Variants in SLC5A5 observed in about 807,000 individuals in gnomAD.
The protein encoded by SLC5A5 is solute carrier family 5 member 5.
In SLC5A5, 56 loss-of-function variants were observed where a neutral mutation model predicts 68.6. The observed-to-expected ratio is 0.82, with a 90% CI of 0.66 to 1.02. The LOEUF (loss-of-function observed/expected upper bound fraction) is 1.02. SLC5A5 is among the 50% of genes least tolerant of loss of function. The pLI is 0.00. For synonymous variants in SLC5A5, 398 were observed against 373.0 expected, an observed-to-expected ratio of 1.07 and a Z score of -0.77; for missense variants, 807 against 859.8, an observed-to-expected ratio of 0.94 and a Z score of 0.77.
Position 17,877,944 on chromosome 19 carries a change from G to C in SLC5A5, c.840-20G>C. ...CAGCCTGAGGCTATCCCCTAAGCCT[G>C]AGGCTGCCTCTTCCCCCAGGGCCCT... is the stretch of plus-strand genomic sequence containing the variant. On this transcript the variant is annotated intron_variant, in intron 6 of 14. Coordinates refer to ENST00000222248, the MANE Select transcript of SLC5A5 (RefSeq NM_000453.3). The C allele has an allele frequency of 6.2e-7, 1 of 1,613,670 alleles. No individual in the cohort carries two copies. The highest frequency in any genetic ancestry group is 8.5e-7 in the Non-Finnish European group (1 of 1,180,034).
chr19:17,882,137 C>G lies in SLC5A5; in HGVS notation c.1172-12C>G. The G allele has an allele frequency of 6.2e-7, 1 of 1,613,968 alleles. No individual in the cohort carries two copies. Among genetic ancestry groups the G allele is most frequent in the Non-Finnish European group, 8.5e-7 (1 of 1,179,844 alleles). On this transcript the variant is annotated splice_polypyrimidine_tract_variant and intron_variant, in intron 9 of 14. Transcript: ENST00000222248. ...CCCTCCCCGTTGACCGTGCCATCCT[C>G]ATCCACTACAGCACTCATCTACGGA... is the stretch of plus-strand genomic sequence containing the variant.
In SLC5A5 at chr19:17,882,129, G is replaced by A; in HGVS notation, c.1172-20G>A. The A allele has an allele frequency of 1.2e-6, 2 of 1,613,770 alleles. No individual in the cohort carries two copies. Among genetic ancestry groups the A allele is most frequent in the East Asian group, 2.2e-5 (1 of 44,872 alleles). On this transcript the variant is annotated intron_variant, in intron 9 of 14. Coordinates refer to ENST00000222248, the MANE Select transcript of SLC5A5 (RefSeq NM_000453.3). ...AGGGCAGTCCCTCCCCGTTGACCGT[G>A]CCATCCTCATCCACTACAGCACTCA...
Position 17,890,950 on chromosome 19 carries a change from A to C in SLC5A5, c.1716A>C (p.Ala572=). 1 of 1,614,128 alleles carries C rather than the reference A, an allele frequency of 6.2e-7. No homozygotes were observed. The highest frequency in any genetic ancestry group is 8.5e-7 in the Non-Finnish European group (1 of 1,179,998). The change falls in exon 14 of 15, where the codon GCA becomes GCC. Residue 572 remains alanine, a synonymous_variant. Coordinates refer to ENST00000222248, the MANE Select transcript of SLC5A5 (RefSeq NM_000453.3). The part of the protein sequence containing the change: ...LLWWDLARQT[A]SVAPKEEVAI... ...GGTGGGACCTCGCACGGCAGACAGC[A>C]TCAGTGGCCCCCAAGGAAGAAGTGG...
chr19:17,875,587 A>ACCCCCCCC (rs59128676), intron 4 of SLC5A5, among the ~76,000 whole-genome samples: 2 of 145,010 alleles, frequency 1.4e-5, no homozygotes, highest in East Asian at 2.2e-4. Flanking sequence ...ACATAGTGAG[A>ACCCCCCCC]CCCCCCCCCG....
chr19:17,873,628 C>A (rs923288612), intron 1 of SLC5A5, among the ~76,000 whole-genome samples: 6 of 152,000 alleles, frequency 3.9e-5, no homozygotes, highest in Non-Finnish European at 4.4e-5. Context: ...TGGTCGCGCG[C>A]GCCTGTAATC....
intron 12 of SLC5A5, among the ~76,000 whole-genome samples, chr19:17,887,035 C>G (rs2029946944): frequency 1.3e-5 from 2 of 152,074 alleles, no homozygotes; most frequent in Non-Finnish European, 2.9e-5. Context: ...ATGATCCCAC[C>G]ACTGCACTCC....
chr19:17,888,206 G>A, intron 12 of SLC5A5, 125 bp from the exon 13 acceptor site: 1 of 1,165,220 alleles, frequency 8.6e-7, no homozygotes, highest in Non-Finnish European at 1.3e-6. Context: ...TGGGCAGACA[G>A]TAATGGAGGT....
At chr19:17,872,973 G>GC (rs1021877212) in intron 1 of SLC5A5, among the ~76,000 whole-genome samples, 2 of 152,172 alleles carry the variant, frequency 1.3e-5, no homozygotes, top group Admixed American at 6.5e-5. Context: ...ACACACACCT[G>GC]CCCCCCACCT....
At chr19:17,874,406 AT>A in intron 2 of SLC5A5, 87 bp from the exon 3 acceptor site, 3 of 1,340,426 alleles carry the variant, frequency 2.2e-6, no homozygotes, top group African/African-American at 1.5e-5. Context: ...CCCCGCCCAT[AT>A]TCTGGGACCA....
intron 4 of SLC5A5, among the ~76,000 whole-genome samples, chr19:17,875,236 G>A (rs1472717724): frequency 6.6e-6 from 1 of 152,062 alleles, no homozygotes; most frequent in African/African-American, 2.4e-5. Flanking sequence ...TGGGCGCAGT[G>A]GCACGCGCCT....
At chr19:17,877,118 C>G (rs1299890197) in intron 5 of SLC5A5, among the ~76,000 whole-genome samples, 1 of 151,830 alleles carries the variant, frequency 6.6e-6, no homozygotes, top group Non-Finnish European at 1.5e-5. Flanking sequence ...CCAGGAGGCC[C>G]TCGCTGCTCT....
Position 17,880,876 on chromosome 19 carries a change from G to A in SLC5A5, c.981G>A (p.Leu327=). 1.2e-5 allele frequency: 19 copies of A among 1,613,622 alleles called. No individual in the cohort carries two copies. Among genetic ancestry groups the A allele is most frequent in the Non-Finnish European group, 1.6e-5 (19 of 1,179,862 alleles). The part of the protein sequence containing the change: ...RISAPDQYMP[L]LVLDIFEDLP... The stretch of plus-strand genomic sequence containing the variant: ...CCAGTTCTCCCCAGTACATGCCTCT[G>A]CTGGTGCTGGACATCTTCGAAGATC... The change falls in exon 8 of 15, where the codon CTG becomes CTA. Residue 327 remains leucine (L), a synonymous_variant. Transcript: ENST00000222248.
chr19:17,876,899 G>A (rs1310565025), intron 5 of SLC5A5, among the ~76,000 whole-genome samples: 7 of 150,832 alleles, frequency 4.6e-5, no homozygotes, highest in African/African-American at 1.2e-4. Context: ...GCGTGGTGGC[G>A]CATGCCTGTA....
Position 17,888,385 on chromosome 19 carries a change from C to G in SLC5A5, c.1581C>G (p.Ser527=), listed in dbSNP as rs765042192. The G allele has an allele frequency of 5.0e-6, 8 of 1,613,918 alleles. No homozygotes were observed. The highest frequency in any genetic ancestry group is 1.6e-4 in the Middle Eastern group (1 of 6,084). ...PALADSFYAI[S]YLYYGALGTL... Reference sequence around the variant, plus strand: ...TAGCTGACAGCTTCTATGCCATCTCCTATCTCTATTACGGTGCCCTGGGCA... The same window carrying G: ...TAGCTGACAGCTTCTATGCCATCTCGTATCTCTATTACGGTGCCCTGGGCA... Residue 527 remains serine (S), a synonymous_variant, in exon 13 of 15, where the codon TCC becomes TCG. Coordinates refer to ENST00000222248, the MANE Select transcript of SLC5A5 (RefSeq NM_000453.3).
rs2030006642 is a variant in SLC5A5 at position 17,888,366 on chromosome 19, A to G, written c.1562A>G (p.Asp521Gly). 2.5e-6 allele frequency: 4 copies of G among 1,613,840 alleles called. No individual in the cohort carries two copies. The highest frequency in any genetic ancestry group is 3.4e-6 in the Non-Finnish European group (4 of 1,180,002). Residue 521 changes from aspartate (D) to glycine (G), a missense_variant, in exon 13 of 15, where the codon GAC becomes GGC. Coordinates refer to ENST00000222248, the MANE Select transcript of SLC5A5 (RefSeq NM_000453.3). ...GMDASRPALA[D>G]SFYAISYLYY... is the part of the protein sequence containing the mutation. Reference sequence around the variant, plus strand: ...GACGCCAGCCGACCCGCCTTAGCTGACAGCTTCTATGCCATCTCCTATCTC... The same window carrying G: ...GACGCCAGCCGACCCGCCTTAGCTGGCAGCTTCTATGCCATCTCCTATCTC...
At chr19:17,883,554 T>G (rs1218394826) in intron 10 of SLC5A5, 127 bp from the exon 11 acceptor site, 1 of 817,138 alleles carries the variant, frequency 1.2e-6, no homozygotes, top group Non-Finnish European at 2.2e-6. Context: ...TTAGGGAAAC[T>G]GAGACACAGA....
In SLC5A5 at chr19:17,894,229, C is replaced by T; in HGVS notation, c.*352C>T. ...GTGGTGTGATCTCGGCTCACTGCAA[C>T]CTCTGCCTCCCAGGCTCAAGTGATT... On this transcript the variant is annotated 3_prime_UTR_variant, in exon 15 of 15. Coordinates refer to ENST00000222248, the MANE Select transcript of SLC5A5 (RefSeq NM_000453.3). 8.5e-6 allele frequency: 2 copies of T among 236,560 alleles called. No individual in the cohort carries two copies. Among genetic ancestry groups the T allele is most frequent in the South Asian group, 1.0e-4 (2 of 19,478 alleles). The allele number at this position is 236,560 out of a possible 1,614,324, so 14.7% of individuals were successfully genotyped here.
intron 12 of SLC5A5, among the ~76,000 whole-genome samples, chr19:17,887,557 A>G (rs944509301): frequency 1.3e-5 from 2 of 149,054 alleles, no homozygotes; most frequent in Non-Finnish European, 3.0e-5. Flanking sequence ...AAGTGCTAGG[A>G]TTACAGGCAT....
At position 17,883,970 on chromosome 19, in the gene SLC5A5, G is replaced by A. The variant is rs1157798558; in HGVS notation, c.1450G>A (p.Val484Met). ...CCTGCCATCGTCGGCTGCCCGCTGC[G>A]TGGCTCTCTCAGTCAACGCCTCTGG... ...RVLPSSAARC[V>M]ALSVNASGLL... is the part of the protein sequence containing the mutation. The change falls in exon 12 of 15, where the codon GTG becomes ATG. Residue 484 changes from valine (V) to methionine (M), a missense_variant. Transcript: ENST00000222248. 6.4e-7 allele frequency: 1 copy of A among 1,567,032 alleles called. No homozygotes were observed.
Sources: allele counts gnomAD v4.1 joint callset (sites outside exome capture counted in the v4.1 genomes callset), GRCh38; gene constraint gnomAD v4.1.1; transcripts MANE v1.5; gene names NCBI Gene and HGNC (gene_info 2026-07-23, HGNC 2026-07-21).